GOLGB1: variants seen among roughly 807,000 people sequenced by gnomAD.
GOLGB1 encodes the protein golgin subfamily B member 1.
In GOLGB1, 174 loss-of-function variants were observed where a neutral mutation model predicts 336.9. That is an observed-to-expected ratio of 0.52 (90% CI 0.46 to 0.59). GOLGB1 has a LOEUF of 0.59. Ranked by LOEUF, GOLGB1 falls within the 20% of genes least tolerant of loss-of-function variation. GOLGB1 has a pLI of 0.00. For missense variants in GOLGB1, 3,331 were observed against 3,645.3 expected (o/e 0.91, Z 2.22); for synonymous variants, 1,208 against 1,289.2 (o/e 0.94, Z 1.35).
chr3:121,721,045 A>G (rs190982982), intron 6 of GOLGB1, among the ~76,000 whole-genome samples: 73 of 152,336 alleles, frequency 4.8e-4, no homozygotes, highest in Non-Finnish European at 2.8e-4. Flanking sequence ...GTTAAAAACC[A>G]TATTTTGTAT....
chr3:121,671,599 T>C (rs1403797787), intron 17 of GOLGB1, among the ~76,000 whole-genome samples: 1 of 152,238 alleles, frequency 6.6e-6, no homozygotes, highest in African/African-American at 2.4e-5. Context: ...TCAGTGTATC[T>C]GGAATATCCA....
Position 121,695,170 on chromosome 3 carries a change from C to G in GOLGB1, c.5353G>C (p.Asp1785His), listed in dbSNP as rs770306563. ...TCTTCAGTGACATTCGTTTGGTTAT[C>G]ATGTTTCTCGGTGGCCTCTAGGTTA... ...QANLEATEKH[D>H]NQTNVTEEGT... Residue 1785 changes from aspartate to histidine, a missense_variant, in exon 13 of 22, where the codon GAT becomes CAT. Asp to His is a moderately conservative substitution (Grantham distance 81). Transcript: ENST00000614479. 2.2e-5 allele frequency: 35 copies of G among 1,613,766 alleles called. No individual in the cohort carries two copies. Among genetic ancestry groups the G allele is most frequent in the Non-Finnish European group, 2.9e-5 (34 of 1,179,940 alleles).
At chr3:121,741,155 G>A (rs781755300) in intron 1 of GOLGB1, among the ~76,000 whole-genome samples, 1 of 152,028 alleles carries the variant, frequency 6.6e-6, no homozygotes, top group Non-Finnish European at 1.5e-5. Context: ...TGTTATGAAC[G>A]AGCAAGAAAA....
At chr3:121,671,104 GA>G (rs1939474020) in intron 17 of GOLGB1, among the ~76,000 whole-genome samples, 1 of 152,174 alleles carries the variant, frequency 6.6e-6, no homozygotes, top group African/African-American at 2.4e-5. Flanking sequence ...CTGCAAAGAT[GA>G]GTAGTTGTTA....
chr3:121,743,995 T>C (rs1318637357), intron 1 of GOLGB1, among the ~76,000 whole-genome samples: 1 of 152,140 alleles, frequency 6.6e-6, no homozygotes, highest in Non-Finnish European at 1.5e-5. Flanking sequence ...ATGAAATCCA[T>C]TATGGAAACC....
rs1266264455 is a variant in GOLGB1, at chr3:121,668,161, G to A, written c.9322-3C>T. 1.3e-6 allele frequency: 2 copies of A among 1,532,984 alleles called. No homozygotes were observed. Among genetic ancestry groups the A allele is most frequent in the East Asian group, 2.3e-5 (1 of 44,222 alleles). The allele number at this position is 1,532,984 out of a possible 1,614,324, so 95.0% of individuals were successfully genotyped here. On this transcript the variant is annotated splice_polypyrimidine_tract_variant and splice_region_variant and intron_variant, in intron 18 of 21. Coordinates refer to ENST00000614479, the MANE Select transcript of GOLGB1 (RefSeq NM_001366282.2). Reference sequence around the variant, plus strand: ...GCAACATCTATATTTAGTGGCCCCTGGAAGAAGAATAAGCTTAGTAATTCA... The same window carrying A: ...GCAACATCTATATTTAGTGGCCCCTAGAAGAAGAATAAGCTTAGTAATTCA...
At chr3:121,686,933 T>C (rs1576317979) in intron 14 of GOLGB1, among the ~76,000 whole-genome samples, 1 of 151,866 alleles carries the variant, frequency 6.6e-6, no homozygotes, top group African/African-American at 2.4e-5. Context: ...GAATGAAGGG[T>C]ATGAGTAGGG....
At chr3:121,670,987 C>A (rs746157471) in intron 17 of GOLGB1, among the ~76,000 whole-genome samples, 1 of 152,160 alleles carries the variant, frequency 6.6e-6, no homozygotes, top group Non-Finnish European at 1.5e-5. Context: ...TAGGGGTTGG[C>A]AAACTATGAT....
chr3:121,725,939 C>A lies in GOLGB1; in HGVS notation c.531+974G>T, dbSNP rs7627703. ...CAAGAAGACCCTCACCAGATGCAGT[C>A]CCTCAACTTTAGACTTCTCAGCCTC... On this transcript the variant is annotated intron_variant, in intron 5 of 21. Transcript: ENST00000614479. Among the ~76,000 whole-genome samples the A allele has an allele frequency of 5.7e-3, 858 of 151,776 alleles. 9 individuals are homozygous for A. The highest frequency in any genetic ancestry group is 0.02 in the African/African-American group (810 of 41,402).
chr3:121,672,368 C>T (rs1285526283), intron 17 of GOLGB1, among the ~76,000 whole-genome samples: 1 of 152,140 alleles, frequency 6.6e-6, no homozygotes, highest in Non-Finnish European at 1.5e-5. Flanking sequence ...ATTTACAATT[C>T]TCTGATGTTT....
intron 10 of GOLGB1, among the ~76,000 whole-genome samples, chr3:121,703,178 A>AT (rs1357696278): frequency 6.6e-6 from 1 of 152,126 alleles, no homozygotes; most frequent in African/African-American, 2.4e-5. Context: ...CTTTGTATAT[A>AT]TTTTTTATTC....
In GOLGB1 at chr3:121,668,017, G is replaced by A. The variant is rs535874392; in HGVS notation, c.9419+44C>T. On this transcript the variant is annotated intron_variant, in intron 19 of 21. Transcript: ENST00000614479. ...AAATCTAGATTACTGCCCAATTTCT[G>A]GACTCTGGTGTATGCTCCAGGGTTT... The A allele has an allele frequency of 1.1e-5, 11 of 995,548 alleles. No individual in the cohort carries two copies. In the East Asian group the frequency reaches 1.7e-4, roughly 16 times the overall value. 61.7% of individuals were successfully genotyped at this position (995,548 alleles called of 1,614,324 possible). A position where few individuals can be genotyped will look rare whatever the true frequency, so the allele number is the denominator to read the frequency against.
At position 121,722,310 on chromosome 3, in the gene GOLGB1, G is replaced by A. The variant is rs771601219; in HGVS notation, c.600C>T (p.Ser200=). 1.9e-6 allele frequency: 3 copies of A among 1,612,614 alleles called. No individual in the cohort carries two copies. Among genetic ancestry groups the A allele is most frequent in the South Asian group, 1.1e-5 (1 of 91,062 alleles). Residue 200 remains serine (S), a synonymous_variant, in exon 6 of 22, where the codon AGC becomes AGT. Coordinates refer to ENST00000614479, the MANE Select transcript of GOLGB1 (RefSeq NM_001366282.2). ...TCTGGCTGAGCTGGGCTTGTAAAGTGCTAATGAATTCTTCCTTCTCCTGGA... is the reference window on the plus strand; with the variant it reads ...TCTGGCTGAGCTGGGCTTGTAAAGTACTAATGAATTCTTCCTTCTCCTGGA... The part of the protein sequence containing the change: ...QQLQEKEEFI[S]TLQAQLSQTQ...
chr3:121,665,987 C>G (rs73855410), intron 20 of GOLGB1, among the ~76,000 whole-genome samples: 1,865 of 152,300 alleles, frequency 0.012, 45 homozygotes, highest in African/African-American at 0.042. Flanking sequence ...AAAAATACAC[C>G]TTCTGTGTCT....
Position 121,683,053 on chromosome 3 carries a change from A to ATTTTTTTTTTTTTTTTTTTTTTTTTTTTT in GOLGB1, c.8695-1217_8695-1189dup, listed in dbSNP as rs746649684. 1.2e-4 allele frequency among the ~76,000 whole-genome samples: 10 copies of ATTTTTTTTTTTTTTTTTTTTTTTTTTTTT among 82,496 alleles called. 3 individuals are homozygous for ATTTTTTTTTTTTTTTTTTTTTTTTTTTTT. The highest frequency in any genetic ancestry group is 1.7e-4 in the Non-Finnish European group (7 of 41,536). The allele number at this position is 82,496 out of a possible 152,430, so 54.1% of individuals were successfully genotyped here. On this transcript the variant is annotated intron_variant, in intron 14 of 21. Coordinates refer to ENST00000614479, the MANE Select transcript of GOLGB1 (RefSeq NM_001366282.2). ...GCTGCTTAAGAAGCAATTTCTTTTA[A>ATTTTTTTTTTTTTTTTTTTTTTTTTTTTT]TTTTTTTTTTTTTTTTTTTTTTTTT...
At chr3:121,715,460 C>T (rs1481710894) in intron 9 of GOLGB1, among the ~76,000 whole-genome samples, 1 of 150,886 alleles carries the variant, frequency 6.6e-6, no homozygotes, top group Non-Finnish European at 1.5e-5. Flanking sequence ...CAGGTAATCC[C>T]CCCCACCTTG....
Position 121,727,328 on chromosome 3 carries a change from T to A in GOLGB1, c.403-287A>T, listed in dbSNP as rs1422194758. On this transcript the variant is annotated intron_variant, in intron 4 of 21. Transcript: ENST00000614479. Reference sequence around the variant, plus strand: ...TATATATATATATATATATTTTTTTTTTTTTTTTTTTTTTTTTTTTCCCTC... The same window carrying A: ...TATATATATATATATATATTTTTTTATTTTTTTTTTTTTTTTTTTTCCCTC... 3.3e-3 allele frequency among the ~76,000 whole-genome samples: 328 copies of A among 100,746 alleles called. 1 individual carries two copies. Among genetic ancestry groups the A allele is most frequent in the Non-Finnish European group, 4.7e-3 (227 of 47,922 alleles). The allele number at this position is 100,746 out of a possible 152,430, so 66.1% of individuals were successfully genotyped here. A position where few individuals can be genotyped will look rare whatever the true frequency, so the allele number is the denominator to read the frequency against.
chr3:121,696,204 A>G lies in GOLGB1; in HGVS notation c.4319T>C (p.Leu1440Ser). Reference sequence around the variant, plus strand: ...TAGCTGTGTATGCAGAGCCTTAATTAAATCTTCTTGTTCTATTATCTCTGT... The same window carrying G: ...TAGCTGTGTATGCAGAGCCTTAATTGAATCTTCTTGTTCTATTATCTCTGT... ...IQTEIIEQED[L>S]IKALHTQLEM... Residue 1440 changes from leucine to serine, a missense_variant, in exon 13 of 22, where the codon TTA becomes TCA. Transcript: ENST00000614479. 6.2e-7 allele frequency: 1 copy of G among 1,614,002 alleles called. No individual in the cohort carries two copies. Among genetic ancestry groups the G allele is most frequent in the Non-Finnish European group, 8.5e-7 (1 of 1,179,942 alleles).
chr3:121,685,469 A>C (rs1003018622), intron 14 of GOLGB1, among the ~76,000 whole-genome samples: 1 of 152,076 alleles, frequency 6.6e-6, no homozygotes, highest in African/African-American at 2.4e-5. Flanking sequence ...CGGGAGGTGG[A>C]GGGTGCAGTG....
Sources: allele counts gnomAD v4.1 joint callset (sites outside exome capture counted in the v4.1 genomes callset), GRCh38; gene constraint gnomAD v4.1.1; transcripts MANE v1.5; gene names NCBI Gene and HGNC (gene_info 2026-07-23, HGNC 2026-07-21).